MFSD8: variants seen among roughly 807,000 people sequenced by gnomAD.
MFSD8 encodes major facilitator superfamily domain-containing protein 8.
In MFSD8, 55 loss-of-function variants were observed where a neutral mutation model predicts 66.4. That is an observed-to-expected ratio of 0.83 (90% CI 0.67 to 1.04). The LOEUF is 1.04. Ranked by LOEUF, MFSD8 falls within the 50% of genes least tolerant of loss-of-function variation. The pLI is 0.00. For synonymous variants in MFSD8, 202 were observed against 212.8 expected (o/e 0.95, Z 0.44); for missense variants, 550 against 627.6 (o/e 0.88, Z 1.32).
chr4:127,924,203 T>C (rs1736824240), intron 9 of MFSD8, among the ~76,000 whole-genome samples: 1 of 152,212 alleles, frequency 6.6e-6, no homozygotes, highest in Non-Finnish European at 1.5e-5. Context: ...ATTCGACTTC[T>C]TCCTGGTTTA....
intron 1 of MFSD8, chr4:127,964,734 GC>G (rs1221825320): frequency 4.7e-6 from 2 of 429,522 alleles, no homozygotes. Context: ...CAAAGTGGGA[GC>G]CCAGGCAGAG....
upstream of MFSD8, chr4:127,965,194 C>T: frequency 6.2e-7 from 1 of 1,603,118 alleles, no homozygotes; most frequent in Non-Finnish European, 8.5e-7. Flanking sequence ...TTCTCCCATC[C>T]CGGGTGGCGT....
intron 2 of MFSD8, among the ~76,000 whole-genome samples, chr4:127,951,153 A>G (rs1194994629): frequency 1.3e-5 from 2 of 152,220 alleles, no homozygotes; most frequent in Non-Finnish European, 2.9e-5. Context: ...AAAGTATACA[A>G]TTCAATGGGT....
At chr4:127,940,372 T>A (rs888446452) in intron 5 of MFSD8, among the ~76,000 whole-genome samples, 1 of 152,064 alleles carries the variant, frequency 6.6e-6, no homozygotes. Context: ...ACATAACTTC[T>A]CAGTTTTTTA....
intron 1 of MFSD8, 103 bp downstream of exon 1, chr4:127,964,969 C>A: frequency 1.4e-6 from 2 of 1,396,800 alleles, no homozygotes; most frequent in Non-Finnish European, 2.0e-6. Flanking sequence ...GCGCTGGAAC[C>A]CCTCTGGCAG....
chr4:127,942,557 G>A (rs1157947863), intron 4 of MFSD8, among the ~76,000 whole-genome samples: 1 of 151,660 alleles, frequency 6.6e-6, no homozygotes. Flanking sequence ...TTATCCACCT[G>A]TAGTCCCAAC....
chr4:127,939,628 A>C (rs910734205), intron 6 of MFSD8: 3 of 322,624 alleles, frequency 9.3e-6, no homozygotes, highest in South Asian at 1.1e-4. Context: ...AAAAAAAAAA[A>C]AAAACTTTGA....
intron 1 of MFSD8, among the ~76,000 whole-genome samples, chr4:127,960,665 T>C (rs1228648558): frequency 1.3e-5 from 2 of 152,140 alleles, no homozygotes; most frequent in African/African-American, 2.4e-5. Context: ...GATGCCCTAA[T>C]AATACAAATT....
At chr4:127,921,438 G>C in intron 11 of MFSD8, 86 bp downstream of exon 11, 1 of 1,598,198 alleles carries the variant, frequency 6.3e-7, no homozygotes, top group Non-Finnish European at 8.6e-7. Context: ...AAATCAGTCT[G>C]TGTAAAAATA....
chr4:127,944,082 CA>C, intron 3 of MFSD8, 90 bp from the exon 4 acceptor site: 1 of 1,558,074 alleles, frequency 6.4e-7, no homozygotes, highest in Admixed American at 1.8e-5. Flanking sequence ...GATTTCCTAT[CA>C]AAAAATAAAA....
chr4:127,921,795 T>C, intron 10 of MFSD8, 24 bp from the exon 11 acceptor site: 1 of 1,613,932 alleles, frequency 6.2e-7, no homozygotes, highest in Non-Finnish European at 8.5e-7. Flanking sequence ...ACCATTGCAG[T>C]GCATTACTTG....
At chr4:127,930,068 A>G (rs1193505417) in intron 9 of MFSD8, among the ~76,000 whole-genome samples, 1 of 152,116 alleles carries the variant, frequency 6.6e-6, no homozygotes, top group Non-Finnish European at 1.5e-5. Context: ...TAGTGAGATA[A>G]TATCTCTACA....
chr4:127,961,991 A>C (rs1331039217), intron 1 of MFSD8, among the ~76,000 whole-genome samples: 1 of 152,226 alleles, frequency 6.6e-6, no homozygotes, highest in African/African-American at 2.4e-5. Context: ...CAGGGTTATC[A>C]AAGCTATAAC....
rs769677706 is a variant in MFSD8, at chr4:127,943,805, G to A, written c.386C>T (p.Ser129Phe). ...CLYAYLHIPASHNKYYMLVAR... is the reference protein window; with the variant it reads ...CLYAYLHIPAFHNKYYMLVAR... Reference sequence around the variant, plus strand: ...AACCAGCATGTAGTATTTATTATGAGAAGCTGGGATGTGGAGATATGCATA... The same window carrying A: ...AACCAGCATGTAGTATTTATTATGAAAAGCTGGGATGTGGAGATATGCATA... Residue 129 changes from serine to phenylalanine, a missense_variant, in exon 4 of 12, where the codon TCT becomes TTT. By Grantham distance (155) the Ser-to-Phe change is radical. Coordinates refer to ENST00000641686, the MANE Select transcript of MFSD8 (RefSeq NM_001371596.2). The A allele has an allele frequency of 6.8e-6, 11 of 1,614,146 alleles. No individual in the cohort carries two copies. The highest frequency in any genetic ancestry group is 1.7e-5 in the Admixed American group (1 of 60,028).
intron 8 of MFSD8, among the ~76,000 whole-genome samples, chr4:127,931,316 C>G (rs1045845140): frequency 1.3e-5 from 2 of 152,068 alleles, no homozygotes; most frequent in African/African-American, 2.4e-5. Flanking sequence ...TACATTCGAT[C>G]TCTATTAACT....
At chr4:127,964,855 C>T in intron 1 of MFSD8, 3 of 629,726 alleles carry the variant, frequency 4.8e-6, no homozygotes, top group Non-Finnish European at 8.4e-6. Context: ...AGCCCCGTCA[C>T]TCGAACCCAC....
rs187525283 is a variant in MFSD8, at chr4:127,940,674, A to G, written c.554-677T>C. 1.3e-4 allele frequency among the ~76,000 whole-genome samples: 19 copies of G among 151,332 alleles called. No individual in the cohort carries two copies. The East Asian group carries it at 3.7e-3, about 29-fold the overall frequency. ...GAAGTTTTTTTTAGTGATTTTAAAC[A>G]TTAGTTAGAAGTGTTTTTGGACTGC... On this transcript the variant is annotated intron_variant, in intron 5 of 11. Coordinates refer to ENST00000641686, the MANE Select transcript of MFSD8 (RefSeq NM_001371596.2).
chr4:127,943,633 A>C, intron 4 of MFSD8, 119 bp downstream of exon 4: 1 of 1,208,146 alleles, frequency 8.3e-7, no homozygotes, highest in Non-Finnish European at 1.2e-6. Flanking sequence ...ACAATGAGAA[A>C]CATGTATGTT....
At chr4:127,929,100 T>C (rs1277039016) in intron 9 of MFSD8, among the ~76,000 whole-genome samples, 2 of 151,584 alleles carry the variant, frequency 1.3e-5, no homozygotes, top group African/African-American at 4.9e-5. Flanking sequence ...GGCGGGCAGA[T>C]CATGAGGTCA....
Sources: allele counts gnomAD v4.1 joint callset (sites outside exome capture counted in the v4.1 genomes callset), GRCh38; gene constraint gnomAD v4.1.1; transcripts MANE v1.5; gene names NCBI Gene and HGNC (gene_info 2026-07-23, HGNC 2026-07-21).